INPP5B: variants seen among roughly 807,000 people sequenced by gnomAD.
INPP5B encodes type II inositol 1,4,5-trisphosphate 5-phosphatase.
Under a neutral mutation model 118.5 loss-of-function variants are expected in INPP5B, and 90 were observed. That is an observed-to-expected ratio of 0.76 (90% CI 0.64 to 0.90). The LOEUF (loss-of-function observed/expected upper bound fraction) is 0.90, where lower values mean the gene tolerates loss of function less well. INPP5B is among the 40% of genes least tolerant of loss of function. The pLI is 0.00. For missense variants in INPP5B, 984 were observed against 1,125.6 expected, an observed-to-expected ratio of 0.87 and a Z score of 1.80; for synonymous variants, 385 against 418.9, an observed-to-expected ratio of 0.92 and a Z score of 0.99.
chr1:37,932,059 C>A lies in INPP5B; in HGVS notation c.392-6G>T, dbSNP rs1645500133. ...CCGGGTCGCAGAATCGAAGCCTGTG[C>A]AGGAACAAATGGGGGCAGACTGAGC... On this transcript the variant is annotated splice_region_variant and splice_polypyrimidine_tract_variant and intron_variant, in intron 6 of 23. Transcript: ENST00000373024. 1 of 1,582,540 alleles carries A rather than the reference C, an allele frequency of 6.3e-7. No individual in the cohort carries two copies. Among genetic ancestry groups the A allele is most frequent in the African/African-American group, 1.3e-5 (1 of 74,216 alleles).
chr1:37,917,101 C>G (rs1644891337), intron 7 of INPP5B, among the ~76,000 whole-genome samples: 1 of 149,762 alleles, frequency 6.7e-6, no homozygotes, highest in Admixed American at 6.7e-5. Context: ...CCAGCCTGAC[C>G]AACATGGTGA....
chr1:37,910,496 A>G (rs1357218675), intron 7 of INPP5B, among the ~76,000 whole-genome samples: 1 of 151,970 alleles, frequency 6.6e-6, no homozygotes, highest in Non-Finnish European at 1.5e-5. Flanking sequence ...CCCCCAGTTC[A>G]AAGCCTCCTT....
intron 15 of INPP5B, 173 bp from the exon 16 acceptor site, chr1:37,878,496 TG>T (rs1165239840): frequency 2.0e-6 from 2 of 985,234 alleles, no homozygotes; most frequent in African/African-American, 1.7e-5. Context: ...ATGTATCCTG[TG>T]GGTATCATCC....
intron 7 of INPP5B, among the ~76,000 whole-genome samples, chr1:37,918,522 A>G (rs114989862): frequency 1.3e-3 from 195 of 152,170 alleles, no homozygotes; most frequent in Middle Eastern, 6.8e-3. Flanking sequence ...CAGCCACATA[A>G]GTTCTCAGTA....
At chr1:37,891,689 G>A (rs533049422) in intron 7 of INPP5B, among the ~76,000 whole-genome samples, 7 of 151,850 alleles carry the variant, frequency 4.6e-5, no homozygotes, top group African/African-American at 1.2e-4. Context: ...CAGGAGAATC[G>A]CTTGAACCCG....
Position 37,932,072 on chromosome 1 carries a change from G to A in INPP5B, c.392-19C>T. ...TCGAAGCCTGTGCAGGAACAAATGGGGGCAGACTGAGCCACGAGCTTGAAG... is the reference window on the plus strand; with the variant it reads ...TCGAAGCCTGTGCAGGAACAAATGGAGGCAGACTGAGCCACGAGCTTGAAG... On this transcript the variant is annotated intron_variant, in intron 6 of 23. Coordinates refer to ENST00000373024, the MANE Select transcript of INPP5B (RefSeq NM_005540.3). 6.4e-7 allele frequency: 1 copy of A among 1,559,830 alleles called. No individual in the cohort carries two copies. Among genetic ancestry groups the A allele is most frequent in the Non-Finnish European group, 8.7e-7 (1 of 1,153,752 alleles).
At chr1:37,925,784 G>A (rs998125915) in intron 7 of INPP5B, among the ~76,000 whole-genome samples, 1 of 152,100 alleles carries the variant, frequency 6.6e-6, no homozygotes, top group Admixed American at 6.5e-5. Context: ...AATCTTTAGG[G>A]GGTTCTCTTG....
intron 13 of INPP5B, chr1:37,883,795 T>A: frequency 1.0e-6 from 1 of 985,374 alleles, no homozygotes; most frequent in South Asian, 4.7e-5. Context: ...TAGTTCCACC[T>A]CGGCAGGCAG....
In INPP5B at chr1:37,860,809, C is replaced by A. The variant is rs1443868959; in HGVS notation, c.*1506G>T. On this transcript the variant is annotated 3_prime_UTR_variant, in exon 24 of 24. Coordinates refer to ENST00000373024, the MANE Select transcript of INPP5B (RefSeq NM_005540.3). Reference sequence around the variant, plus strand: ...AAAATCCCACTTGTTTCACCGAACACTCATTTTTTCAGTGATTTTACATTT... The same window carrying A: ...AAAATCCCACTTGTTTCACCGAACAATCATTTTTTCAGTGATTTTACATTT... 1 of 152,278 alleles carries A rather than the reference C, an allele frequency of 6.6e-6. No individual in the cohort carries two copies. The highest frequency in any genetic ancestry group is 1.5e-5 in the Non-Finnish European group (1 of 68,098). The allele number at this position is 152,278 out of a possible 1,614,324, so 9.4% of individuals were successfully genotyped here.
At chr1:37,909,022 C>T (rs189648171) in intron 7 of INPP5B, among the ~76,000 whole-genome samples, 7 of 152,298 alleles carry the variant, frequency 4.6e-5, no homozygotes, top group Admixed American at 1.3e-4. Context: ...TCTACAACAC[C>T]GCTTGGCCCC....
intron 7 of INPP5B, among the ~76,000 whole-genome samples, chr1:37,921,730 C>A (rs1645061742): frequency 6.6e-6 from 1 of 152,130 alleles, no homozygotes; most frequent in Admixed American, 6.5e-5. Flanking sequence ...AAAATAAAGA[C>A]CAGGCGTGGT....
chr1:37,897,088 C>T (rs1480468037), intron 7 of INPP5B, among the ~76,000 whole-genome samples: 6 of 149,874 alleles, frequency 4.0e-5, no homozygotes, highest in Non-Finnish European at 7.4e-5. Flanking sequence ...CCCGGCCAGC[C>T]GCCCCGTCCA....
chr1:37,941,975 A>AT (rs1365512516), intron 5 of INPP5B: 5 of 91,770 alleles, frequency 5.4e-5, no homozygotes, highest in Non-Finnish European at 6.9e-5. Flanking sequence ...ATATATATAT[A>AT]AAATAAAATA....
intron 7 of INPP5B, among the ~76,000 whole-genome samples, chr1:37,920,683 G>A (rs372505696): frequency 0.022 from 3,312 of 150,730 alleles, 122 homozygotes; most frequent in African/African-American, 0.077. Flanking sequence ...AAAAGAAGAA[G>A]AAGAACAAGA....
At chr1:37,872,095 G>C (rs577125225) in intron 19 of INPP5B, among the ~76,000 whole-genome samples, 3 of 139,050 alleles carry the variant, frequency 2.2e-5, no homozygotes, top group Non-Finnish European at 4.7e-5. Flanking sequence ...AGCCAGGCGC[G>C]GTGGCTCATG....
At chr1:37,896,354 C>G (rs567949459) in intron 7 of INPP5B, among the ~76,000 whole-genome samples, 31 of 149,966 alleles carry the variant, frequency 2.1e-4, no homozygotes, top group Middle Eastern at 3.5e-3. Flanking sequence ...CCCCTCCGCC[C>G]GGCAGCCGCC....
rs1416322490 is a variant in INPP5B, at chr1:37,932,371, T to C, written c.392-318A>G. ...CAATTTTCTTTTCTTTTCTTTTTTT[T>C]TTTTTTTTTTTTTTTGAGACGGAGT... On this transcript the variant is annotated intron_variant, in intron 6 of 23. Transcript: ENST00000373024. Among the ~76,000 whole-genome samples, 59 of 140,544 alleles carry C rather than the reference T, an allele frequency of 4.2e-4. No individual in the cohort carries two copies. In the South Asian group the frequency reaches 5.7e-3, roughly 14 times the overall value. 92.2% of individuals were successfully genotyped at this position (140,544 alleles called of 152,430 possible).
At chr1:37,897,215 C>G (rs1174582619) in intron 7 of INPP5B, among the ~76,000 whole-genome samples, 1 of 151,750 alleles carries the variant, frequency 6.6e-6, no homozygotes, top group African/African-American at 2.4e-5. Flanking sequence ...GCCCGGCCAC[C>G]ACCCCGTCTG....
chr1:37,866,404 TCTCACACACACACACA>T (rs1359861906), intron 21 of INPP5B, 39 bp downstream of exon 21: 4 of 367,386 alleles, frequency 1.1e-5, no homozygotes, highest in African/African-American at 1.1e-4. Context: ...TCTCTCTCTC[TCTCACACACACACACA>T]CACACACACA....
Sources: allele counts gnomAD v4.1 joint callset (sites outside exome capture counted in the v4.1 genomes callset), GRCh38; gene constraint gnomAD v4.1.1; transcripts MANE v1.5; gene names NCBI Gene and HGNC (gene_info 2026-07-23, HGNC 2026-07-21).